The following DNAJC21 variants were observed in gnomAD, a reference collection of about 807,000 sequenced individuals.
DNAJC21 encodes dnaJ homolog subfamily C member 21.
DNAJC21 carries 63 observed loss-of-function variants against 72.4 expected under a neutral mutation model. The observed-to-expected ratio is 0.87, with a 90% CI of 0.71 to 1.07. The LOEUF (loss-of-function observed/expected upper bound fraction) is 1.07, where lower values mean the gene tolerates loss of function less well. DNAJC21 is among the 50% of genes least tolerant of loss of function. DNAJC21 has a pLI of 0.00. For missense variants in DNAJC21, 634 were observed against 644.8 expected (o/e 0.98, Z 0.18); for synonymous variants, 203 against 216.7 (o/e 0.94, Z 0.56).
At chr5:34,930,032 A>T (rs1297362302) in intron 1 of DNAJC21, 116 bp downstream of exon 1, 3 of 767,320 alleles carry the variant, frequency 3.9e-6, no homozygotes, top group Non-Finnish European at 5.6e-6. Context: ...GCGGCCTAGG[A>T]GCTCCTTGCC....
intron 1 of DNAJC21, among the ~76,000 whole-genome samples, chr5:34,931,549 T>C (rs1034705425): frequency 6.6e-6 from 1 of 152,204 alleles, no homozygotes; most frequent in African/African-American, 2.4e-5. Flanking sequence ...TTAAATCAGA[T>C]TGTATTTCTT....
chr5:34,941,560 C>CTTTTTTTTTTTTTTT (rs765889955), intron 7 of DNAJC21, among the ~76,000 whole-genome samples: 1 of 76,090 alleles, frequency 1.3e-5, no homozygotes, highest in Non-Finnish European at 2.4e-5. Context: ...CTTGTGTTTT[C>CTTTTTTTTTTTTTTT]TTTTTTTTTT....
chr5:34,949,517 G>A (rs1765283713), intron 9 of DNAJC21: 2 of 1,551,958 alleles, frequency 1.3e-6, no homozygotes, highest in Non-Finnish European at 1.7e-6. Context: ...TGTGAGTATT[G>A]TGCCAGAGAA....
intron 1 of DNAJC21, among the ~76,000 whole-genome samples, chr5:34,930,649 G>A (rs1325489317): frequency 6.6e-6 from 1 of 152,070 alleles, no homozygotes; most frequent in Non-Finnish European, 1.5e-5. Flanking sequence ...TTCCAGGCTG[G>A]GAAACTAAGA....
chr5:34,938,728 G>T, intron 5 of DNAJC21, 130 bp from the exon 6 acceptor site: 2 of 1,021,818 alleles, frequency 2.0e-6, no homozygotes, highest in Non-Finnish European at 2.6e-6. Flanking sequence ...CTAAGCACAG[G>T]TTTTAAGTTT....
chr5:34,947,656 G>GTTT (rs11404640), intron 9 of DNAJC21, among the ~76,000 whole-genome samples: 7,162 of 87,134 alleles, frequency 0.082, 307 homozygotes, highest in South Asian at 0.14. Flanking sequence ...TTTTCACCAT[G>GTTT]TTTTTTTTTT....
rs756942360 is a variant in DNAJC21, at chr5:34,938,876, A to G, written c.762A>G (p.Arg254=). 18 of 1,613,798 alleles carry G rather than the reference A, an allele frequency of 1.1e-5. No homozygotes were observed. The highest frequency in any genetic ancestry group is 1.4e-5 in the Non-Finnish European group (17 of 1,179,940). The change falls in exon 6 of 12, where the codon AGA becomes AGG. Residue 254 remains arginine (R), a synonymous_variant. Transcript: ENST00000648817. Reference sequence around the variant, plus strand: ...TGTCTAGACTGGTGGAGCAGTACAGAGAACAGAGCTGGATGACTATGGCCA... The same window carrying G: ...TGTCTAGACTGGTGGAGCAGTACAGGGAACAGAGCTGGATGACTATGGCCA... The part of the protein sequence containing the change: ...LKQAKLVEQY[R]EQSWMTMANL...
chr5:34,937,622 G>C lies in DNAJC21; in HGVS notation c.735G>C (p.Lys245Asn). 6.2e-6 allele frequency: 10 copies of C among 1,612,302 alleles called. No individual in the cohort carries two copies. Among genetic ancestry groups the C allele is most frequent in the Non-Finnish European group, 8.5e-6 (10 of 1,178,964 alleles). The change falls in exon 5 of 12, where the codon AAG becomes AAC. Residue 245 changes from lysine to asparagine, a missense_variant. Coordinates refer to ENST00000648817, the MANE Select transcript of DNAJC21 (RefSeq NM_001012339.3). ...AGATGAGGCGGCAGCAGAAGCTAAA[G>C]CAGGCCAAGTGCGTAGCGTGCGTGG... ...AEEMRRQQKLKQAKLVEQYRE... is the reference protein window; with the variant it reads ...AEEMRRQQKLNQAKLVEQYRE...
intron 1 of DNAJC21, among the ~76,000 whole-genome samples, chr5:34,932,278 G>A (rs1475832797): frequency 1.3e-5 from 2 of 152,094 alleles, no homozygotes; most frequent in Non-Finnish European, 2.9e-5. Context: ...AAAATTAGCT[G>A]GGCGTGGTGG....
At chr5:34,936,082 A>T (rs1438718087) in intron 3 of DNAJC21, 62 bp from the exon 4 acceptor site, 1 of 1,556,146 alleles carries the variant, frequency 6.4e-7, no homozygotes, top group Non-Finnish European at 8.6e-7. Flanking sequence ...TGTATTTTAA[A>T]ATCTTTTTCT....
Position 34,929,778 on chromosome 5 carries a change from C to G in DNAJC21, c.-42C>G, listed in dbSNP as rs778975832. 4 of 1,162,356 alleles carry G rather than the reference C, an allele frequency of 3.4e-6. No homozygotes were observed. The highest frequency in any genetic ancestry group is 2.2e-5 in the South Asian group (1 of 45,116). 72.0% of individuals were successfully genotyped at this position (1,162,356 alleles called of 1,614,324 possible). A position where few individuals can be genotyped will look rare whatever the true frequency, so the allele number is the denominator to read the frequency against. On this transcript the variant is annotated 5_prime_UTR_variant, in exon 1 of 12. Transcript: ENST00000648817. ...CTTCGGCCCGGGCCCGGGCCCCGAC[C>G]CCGTCCCGGGCCCCAGCGCCGGCCG... is the stretch of plus-strand genomic sequence containing the variant.
intron 2 of DNAJC21, among the ~76,000 whole-genome samples, chr5:34,935,426 G>A (rs945556011): frequency 6.6e-6 from 1 of 152,118 alleles, no homozygotes; most frequent in Non-Finnish European, 1.5e-5. Flanking sequence ...GTGGAAGTAC[G>A]GGACTCAGAG....
At chr5:34,950,102 A>G (rs944478008) in intron 9 of DNAJC21, 68 bp from the exon 10 acceptor site, 12 of 1,491,566 alleles carry the variant, frequency 8.0e-6, no homozygotes, top group African/African-American at 1.4e-5. Flanking sequence ...CTATTTGGCA[A>G]CATAACATAA....
Position 34,944,933 on chromosome 5 carries a change from G to A in DNAJC21, c.1050G>A (p.Glu350=). ...TGGCCTTGCTAAAACAACAGCTGGA[G>A]GAGGAAGAAGAAAATTTTTCAAGAC... is the stretch of plus-strand genomic sequence containing the variant. ...EMVALLKQQL[E]EEEENFSRPQ... is the part of the protein sequence containing the mutation. The change falls in exon 8 of 12, where the codon GAG becomes GAA. Residue 350 remains glutamate, a synonymous_variant. Coordinates refer to ENST00000648817, the MANE Select transcript of DNAJC21 (RefSeq NM_001012339.3). 6.2e-7 allele frequency: 1 copy of A among 1,614,142 alleles called. No homozygotes were observed.
At chr5:34,951,458 G>A in intron 10 of DNAJC21, 1 of 985,362 alleles carries the variant, frequency 1.0e-6, no homozygotes, top group Non-Finnish European at 1.2e-6. Flanking sequence ...CAAAGAGTGG[G>A]CCAGGAGGTG....
intron 10 of DNAJC21, chr5:34,952,004 C>A (rs529636601): frequency 1.0e-6 from 1 of 985,440 alleles, no homozygotes; most frequent in East Asian, 1.1e-4. Flanking sequence ...ATACCCAGCA[C>A]CCTCCCCACA....
chr5:34,937,465 A>G lies in DNAJC21; in HGVS notation c.578A>G (p.Asp193Gly). Residue 193 changes from aspartate to glycine, a missense_variant, in exon 5 of 12, where the codon GAC becomes GGC. By Grantham distance (94) the Asp-to-Gly change is moderately conservative (BLOSUM62 -1). Transcript: ENST00000648817. ...AMEKENKKIR[D>G]KARKEKNELV... ...GAAAAAGAAAACAAAAAGATTCGGG[A>G]CAAAGCAAGGAAAGAGAAGAATGAG... The G allele has an allele frequency of 1.2e-6, 2 of 1,614,212 alleles. No individual in the cohort carries two copies. The highest frequency in any genetic ancestry group is 1.1e-5 in the South Asian group (1 of 91,090).
At chr5:34,940,971 T>C in intron 6 of DNAJC21, 125 bp from the exon 7 acceptor site, 1 of 790,966 alleles carries the variant, frequency 1.3e-6, no homozygotes, top group Non-Finnish European at 2.0e-6. Context: ...AAAAGCCAAC[T>C]CAAATCCTTA....
Position 34,938,971 on chromosome 5 carries a change from A to C in DNAJC21, c.857A>C (p.Asn286Thr), listed in dbSNP as rs1764890948. The C allele has an allele frequency of 1.2e-6, 2 of 1,613,368 alleles. No individual in the cohort carries two copies. The highest frequency in any genetic ancestry group is 2.2e-5 in the South Asian group (2 of 90,950). ...EKEFGDGSDENEMEEHELKDE... is the reference protein window; with the variant it reads ...EKEFGDGSDETEMEEHELKDE... ...GAGTTTGGAGATGGATCGGATGAAAATGAAATGGAAGAACATGAACTCAAA... is the reference window on the plus strand; with the variant it reads ...GAGTTTGGAGATGGATCGGATGAAACTGAAATGGAAGAACATGAACTCAAA... Residue 286 changes from asparagine (N) to threonine (T), a missense_variant, in exon 6 of 12, where the codon AAT becomes ACT. Asn to Thr is a moderately conservative substitution (Grantham distance 65). Transcript: ENST00000648817.
Sources: allele counts gnomAD v4.1 joint callset (sites outside exome capture counted in the v4.1 genomes callset), GRCh38; gene constraint gnomAD v4.1.1; transcripts MANE v1.5; gene names NCBI Gene and HGNC (gene_info 2026-07-23, HGNC 2026-07-21).